AGFG1: variants seen among roughly 807,000 people sequenced by gnomAD.
AGFG1 encodes arf-GAP domain and FG repeat-containing protein 1.
Under a neutral mutation model 60.6 loss-of-function variants are expected in AGFG1, and 10 were observed. That is an observed-to-expected ratio of 0.16 (90% confidence interval 0.10 to 0.28). The LOEUF is 0.28. Ranked by LOEUF, AGFG1 falls within the 10% of genes least tolerant of loss-of-function variation. AGFG1 has a pLI of 1.00. For synonymous variants in AGFG1, 247 were observed against 242.9 expected (o/e 1.02, Z -0.16); for missense variants, 537 against 676.5 (o/e 0.79, Z 2.29).
At chr2:227,498,273 T>C (rs115839233) in intron 2 of AGFG1, among the ~76,000 whole-genome samples, 58 of 152,252 alleles carry the variant, frequency 3.8e-4, no homozygotes, top group African/African-American at 1.4e-3. Flanking sequence ...ATGCTTTGAA[T>C]TGAATTTAGG....
chr2:227,512,159 A>G (rs960777692), intron 2 of AGFG1, among the ~76,000 whole-genome samples: 1 of 152,202 alleles, frequency 6.6e-6, no homozygotes, highest in Non-Finnish European at 1.5e-5. Flanking sequence ...CAAAGGCACT[A>G]TGCCTCAGAG....
intron 2 of AGFG1, among the ~76,000 whole-genome samples, chr2:227,493,848 G>GA (rs1294818153): frequency 2.0e-5 from 3 of 152,160 alleles, no homozygotes; most frequent in South Asian, 4.1e-4. Flanking sequence ...CAGTAGTATG[G>GA]AAAAAGGGAA....
At chr2:227,473,798 T>C (rs1312081052) in intron 1 of AGFG1, among the ~76,000 whole-genome samples, 1 of 152,226 alleles carries the variant, frequency 6.6e-6, no homozygotes, top group Non-Finnish European at 1.5e-5. Flanking sequence ...ATGTACTATT[T>C]GCTTTTTAAA....
chr2:227,547,126 A>C (rs1206864651), intron 10 of AGFG1, among the ~76,000 whole-genome samples: 1 of 152,230 alleles, frequency 6.6e-6, no homozygotes, highest in East Asian at 1.9e-4. Flanking sequence ...CATTGATGAA[A>C]CATACACAAA....
chr2:227,500,600 A>G (rs962283037), intron 2 of AGFG1, among the ~76,000 whole-genome samples: 3 of 152,286 alleles, frequency 2.0e-5, no homozygotes, highest in Admixed American at 6.5e-5. Flanking sequence ...TTATTATGGA[A>G]AATTCCAAAT....
chr2:227,547,648 C>T (rs575104649), intron 10 of AGFG1, among the ~76,000 whole-genome samples: 7 of 152,254 alleles, frequency 4.6e-5, no homozygotes, highest in African/African-American at 1.7e-4. Context: ...ATAGACATTT[C>T]TCTAAGAAGG....
chr2:227,512,669 T>C (rs1329541037), intron 2 of AGFG1, among the ~76,000 whole-genome samples: 1 of 152,222 alleles, frequency 6.6e-6, no homozygotes, highest in African/African-American at 2.4e-5. Flanking sequence ...ATTTACTGTT[T>C]GTTAATATTT....
chr2:227,504,826 T>C (rs1559176923), intron 2 of AGFG1, among the ~76,000 whole-genome samples: 1 of 152,242 alleles, frequency 6.6e-6, no homozygotes, highest in Non-Finnish European at 1.5e-5. Context: ...TTCCTTTTTA[T>C]TGAGATCTCT....
At chr2:227,477,141 A>G (rs1216257855) in intron 1 of AGFG1, among the ~76,000 whole-genome samples, 2 of 152,084 alleles carry the variant, frequency 1.3e-5, no homozygotes, top group Non-Finnish European at 2.9e-5. Context: ...ACCTCAGGTG[A>G]TCCACCGCCT....
intron 2 of AGFG1, among the ~76,000 whole-genome samples, chr2:227,519,465 T>C (rs1304941022): frequency 6.6e-6 from 1 of 152,232 alleles, no homozygotes; most frequent in East Asian, 1.9e-4. Flanking sequence ...GGACCAAAAA[T>C]GCATAGGAGA....
intron 1 of AGFG1, among the ~76,000 whole-genome samples, chr2:227,481,624 G>A (rs1382805186): frequency 3.9e-5 from 6 of 152,014 alleles, no homozygotes; most frequent in East Asian, 1.9e-4. Flanking sequence ...AAGAACTGTC[G>A]TGTGCTTTTG....
chr2:227,536,726 A>C (rs756150234), intron 9 of AGFG1, 22 bp downstream of exon 9: 1 of 1,609,996 alleles, frequency 6.2e-7, no homozygotes, highest in African/African-American at 1.3e-5. Context: ...TGGTATATAC[A>C]CTGGTTTTTA....
intron 10 of AGFG1, among the ~76,000 whole-genome samples, chr2:227,543,878 C>G (rs1420943312): frequency 6.6e-6 from 1 of 152,136 alleles, no homozygotes; most frequent in Non-Finnish European, 1.5e-5. Context: ...GTTAGCTCTT[C>G]TTGTTGAATT....
chr2:227,511,453 G>A (rs980755025), intron 2 of AGFG1, among the ~76,000 whole-genome samples: 1 of 152,242 alleles, frequency 6.6e-6, no homozygotes. Flanking sequence ...TAGACAATAC[G>A]TAAGCAAGTG....
intron 10 of AGFG1, among the ~76,000 whole-genome samples, chr2:227,547,039 T>C (rs1692670816): frequency 1.3e-5 from 2 of 152,234 alleles, no homozygotes; most frequent in Admixed American, 6.5e-5. Context: ...TGATCTGATA[T>C]TAATACCCAG....
chr2:227,548,935 T>C (rs572160578), intron 10 of AGFG1, among the ~76,000 whole-genome samples: 1 of 151,148 alleles, frequency 6.6e-6, no homozygotes, highest in South Asian at 2.1e-4. Context: ...AGACTCCGTC[T>C]CAAAAAGAAA....
At chr2:227,507,859 A>G (rs1691373213) in intron 2 of AGFG1, among the ~76,000 whole-genome samples, 1 of 152,054 alleles carries the variant, frequency 6.6e-6, no homozygotes, top group African/African-American at 2.4e-5. Context: ...CTATGAATTT[A>G]TTTATTTGAT....
At position 227,553,736 on chromosome 2, in the gene AGFG1, C is replaced by CCTA. The variant is rs1692891137; in HGVS notation, c.1571_1572insTAC (p.Pro524_Val525insThr). The CCTA allele has an allele frequency of 6.2e-7, 1 of 1,613,546 alleles. No individual in the cohort carries two copies. Among genetic ancestry groups the CCTA allele is most frequent in the Non-Finnish European group, 8.5e-7 (1 of 1,179,812 alleles). On this transcript the variant is annotated inframe_insertion, in exon 12 of 13. Transcript: ENST00000310078. ...TTTTGCAGCATTTGGACAAACAAAG[C>CCTA]CAGTAGTAACCCCTTTTGGTCAAGT...
At chr2:227,545,491 C>A (rs1692617586) in intron 10 of AGFG1, among the ~76,000 whole-genome samples, 1 of 152,216 alleles carries the variant, frequency 6.6e-6, no homozygotes, top group African/African-American at 2.4e-5. Flanking sequence ...CTCTGTCCAG[C>A]TTTGTTCCAT....
Sources: allele counts gnomAD v4.1 joint callset (sites outside exome capture counted in the v4.1 genomes callset), GRCh38; gene constraint gnomAD v4.1.1; transcripts MANE v1.5; gene names NCBI Gene and HGNC (gene_info 2026-07-23, HGNC 2026-07-21).